Variants in HPSE2 observed in about 807,000 individuals in gnomAD.
HPSE2 encodes heparanase 2 (inactive).
HPSE2 carries 38 observed loss-of-function variants against 60.5 expected under a neutral mutation model. The observed-to-expected ratio is 0.63, with a 90% CI of 0.48 to 0.82. HPSE2 has a LOEUF of 0.82. Ranked by LOEUF, HPSE2 falls within the 40% of genes least tolerant of loss-of-function variation. The pLI, the probability that HPSE2 is intolerant of heterozygous loss-of-function variation, is 0.00. For synonymous variants in HPSE2, 295 were observed against 293.2 expected, an observed-to-expected ratio of 1.01 and a Z score of -0.06; for missense variants, 713 against 740.4, an observed-to-expected ratio of 0.96 and a Z score of 0.43.
intron 9 of HPSE2, among the ~76,000 whole-genome samples, chr10:98,612,170 AC>A (rs1339624899): frequency 6.6e-6 from 1 of 152,108 alleles, no homozygotes; most frequent in African/African-American, 2.4e-5. Flanking sequence ...CAATTTCTCA[AC>A]ATGCCTGTTT....
At chr10:98,472,907 T>C (rs1940839367) in intron 11 of HPSE2, among the ~76,000 whole-genome samples, 1 of 152,206 alleles carries the variant, frequency 6.6e-6, no homozygotes, top group East Asian at 1.9e-4. Flanking sequence ...GCCTTATACC[T>C]GTATTAGAGC....
At chr10:99,080,253 C>T (rs1191910367) in intron 3 of HPSE2, among the ~76,000 whole-genome samples, 1 of 151,968 alleles carries the variant, frequency 6.6e-6, no homozygotes, top group Admixed American at 6.6e-5. Context: ...CCTAATATTC[C>T]TTGTGGACAC....
At chr10:98,615,166 TAA>T in intron 8 of HPSE2, 148 bp from the exon 9 acceptor site, 1 of 655,650 alleles carries the variant, frequency 1.5e-6, no homozygotes, top group South Asian at 1.7e-5. Flanking sequence ...TTTTAAGCAT[TAA>T]GTTCACAGCT....
chr10:99,013,225 A>G, intron 3 of HPSE2: 1 of 660,864 alleles, frequency 1.5e-6, no homozygotes. Context: ...ACAAACTGGG[A>G]GATTTCTGCT....
intron 2 of HPSE2, among the ~76,000 whole-genome samples, chr10:99,156,551 C>T (rs1311655916): frequency 1.5e-5 from 2 of 130,612 alleles, no homozygotes; most frequent in East Asian, 4.9e-4. Context: ...AATTCAACAA[C>T]CCTTCATGCT....
chr10:98,558,635 A>G (rs1486033070), intron 9 of HPSE2, among the ~76,000 whole-genome samples: 1 of 152,176 alleles, frequency 6.6e-6, no homozygotes, highest in Non-Finnish European at 1.5e-5. Flanking sequence ...GGGGAGGGGA[A>G]TTCTGGGTTG....
At chr10:98,603,406 A>G (rs1022312688) in intron 9 of HPSE2, among the ~76,000 whole-genome samples, 4 of 149,802 alleles carry the variant, frequency 2.7e-5, no homozygotes, top group Non-Finnish European at 5.9e-5. Flanking sequence ...GAAAGGAACT[A>G]TTTTGAAATA....
At chr10:98,886,325 A>G (rs375478920) in intron 3 of HPSE2, among the ~76,000 whole-genome samples, 3 of 152,138 alleles carry the variant, frequency 2.0e-5, no homozygotes, top group African/African-American at 7.2e-5. Flanking sequence ...GCTGGGATTA[A>G]ATAAAAGGCA....
chr10:98,983,033 G>T (rs576349696), intron 3 of HPSE2, among the ~76,000 whole-genome samples: 3 of 152,056 alleles, frequency 2.0e-5, no homozygotes, highest in Admixed American at 1.3e-4. Context: ...AATATTTACT[G>T]GCTACTATTA....
chr10:98,654,849 C>T (rs917227318), intron 6 of HPSE2, among the ~76,000 whole-genome samples: 7 of 152,080 alleles, frequency 4.6e-5, no homozygotes, highest in African/African-American at 9.7e-5. Context: ...AGGTTTTGGG[C>T]GAGGAGTTGG....
chr10:98,692,529 G>A (rs1346456093), intron 6 of HPSE2, among the ~76,000 whole-genome samples: 2 of 152,190 alleles, frequency 1.3e-5, no homozygotes, highest in African/African-American at 4.8e-5. Context: ...AGCACTTTGG[G>A]AGGCCGAGGT....
chr10:98,727,342 T>C (rs542773896), intron 4 of HPSE2, among the ~76,000 whole-genome samples: 2 of 152,122 alleles, frequency 1.3e-5, no homozygotes, highest in Non-Finnish European at 2.9e-5. Context: ...GTCAAAGACT[T>C]ATAAATATGT....
At chr10:99,298,668 GCTTTTTTTTTTT>G in the HPSE2 span, among the ~76,000 whole-genome samples, 2 of 51,674 alleles carry the variant, frequency 3.9e-5, no homozygotes, top group African/African-American at 2.3e-4. Flanking sequence ...CTATGTATAG[GCTTTTTTTTTTT>G]CTTTTTTTTT....
intron 3 of HPSE2, among the ~76,000 whole-genome samples, chr10:98,974,364 C>T (rs1390366109): frequency 6.6e-6 from 1 of 152,008 alleles, no homozygotes; most frequent in East Asian, 1.9e-4. Context: ...GAGATGGAGT[C>T]TCGCTCTGTT....
In HPSE2 at chr10:98,632,345, A is replaced by G. The variant is rs544951930; in HGVS notation, c.1098+9502T>C. Among the ~76,000 whole-genome samples, 99 of 152,342 alleles carry G rather than the reference A, an allele frequency of 6.5e-4. No homozygotes were observed. The Middle Eastern group carries it at 0.01, about 16-fold the overall frequency. ...GGACATTATTCAAAATCAATATCAA[A>G]TGAAACTTGCCTACTGTTTACCCTC... On this transcript the variant is annotated intron_variant, in intron 7 of 11. Coordinates refer to ENST00000370552, the MANE Select transcript of HPSE2 (RefSeq NM_021828.5).
At chr10:98,883,000 C>T (rs1233309698) in intron 3 of HPSE2, among the ~76,000 whole-genome samples, 2 of 152,110 alleles carry the variant, frequency 1.3e-5, no homozygotes, top group South Asian at 2.1e-4. Context: ...GATTCACCTC[C>T]GCCCAAACAT....
intron 3 of HPSE2, chr10:99,013,909 T>C: frequency 2.3e-6 from 1 of 427,194 alleles, no homozygotes; most frequent in East Asian, 7.3e-5. Flanking sequence ...TTTGTGCTCC[T>C]GGTGATTGAA....
At chr10:98,643,129 T>C (rs1946680225) in intron 6 of HPSE2, among the ~76,000 whole-genome samples, 1 of 152,226 alleles carries the variant, frequency 6.6e-6, no homozygotes, top group South Asian at 2.1e-4. Context: ...CTTAAACCAT[T>C]GGAATGTTGG....
At chr10:99,249,657 G>A in the HPSE2 span, among the ~76,000 whole-genome samples, 1 of 152,182 alleles carries the variant, frequency 6.6e-6, no homozygotes, top group Admixed American at 6.5e-5. Context: ...ATGTGAGAAG[G>A]ACATGAAATT....
Sources: gnomAD v4.1 joint callset for allele counts (sites outside exome capture counted in the v4.1 genomes callset) on GRCh38, gnomAD v4.1.1 for gene constraint, MANE v1.5 for transcripts, NCBI Gene and HGNC (gene_info 2026-07-23, HGNC 2026-07-21) for gene names.